Variants in PRKCI observed in about 807,000 individuals in gnomAD.
PRKCI encodes protein kinase C iota, also known as protein kinase C iota type.
In PRKCI, 43 loss-of-function variants were observed where a neutral mutation model predicts 84.0. The observed-to-expected ratio is 0.51, with a 90% CI of 0.40 to 0.66. PRKCI has a LOEUF of 0.66. PRKCI is among the 30% of genes least tolerant of loss of function. The probability of loss-of-function intolerance (pLI) is 0.00; values close to 1 mark genes in which losing one functional copy is unlikely to be tolerated. For synonymous variants in PRKCI, 216 were observed against 234.4 expected (o/e 0.92, Z 0.72); for missense variants, 459 against 745.6 (o/e 0.62, Z 4.48).
chr3:170,293,710 G>A (rs997254026), intron 14 of PRKCI, among the ~76,000 whole-genome samples: 2 of 152,024 alleles, frequency 1.3e-5, no homozygotes, highest in Non-Finnish European at 1.5e-5. Flanking sequence ...TGGAGTGCAG[G>A]GGCGCAATCT....
intron 2 of PRKCI, among the ~76,000 whole-genome samples, chr3:170,240,131 C>A (rs575155634): frequency 6.6e-6 from 1 of 152,030 alleles, no homozygotes; most frequent in South Asian, 2.1e-4. Context: ...CACTGCACTC[C>A]AACCTAGGCA....
intron 17 of PRKCI, among the ~76,000 whole-genome samples, chr3:170,300,895 A>C (rs1279286687): frequency 6.6e-6 from 1 of 151,946 alleles, no homozygotes; most frequent in African/African-American, 2.4e-5. Context: ...CATCTCTGTG[A>C]CTACTTTCCT....
chr3:170,302,746 T>A (rs150009074), intron 17 of PRKCI, among the ~76,000 whole-genome samples: 1 of 152,346 alleles, frequency 6.6e-6, no homozygotes, highest in East Asian at 1.9e-4. Context: ...AATGTTGTTC[T>A]GGTCAAAAGT....
chr3:170,228,225 A>T (rs1437821022), intron 1 of PRKCI, among the ~76,000 whole-genome samples: 1 of 152,220 alleles, frequency 6.6e-6, no homozygotes, highest in Non-Finnish European at 1.5e-5. Context: ...GCTGAGAACG[A>T]TAATAGAAAC....
chr3:170,271,600 A>C (rs377017543), intron 6 of PRKCI, among the ~76,000 whole-genome samples: 4 of 151,886 alleles, frequency 2.6e-5, no homozygotes, highest in African/African-American at 9.7e-5. Flanking sequence ...TTACAATTTA[A>C]TTGTAAAAGA....
chr3:170,237,752 T>C (rs1380068321), intron 2 of PRKCI, among the ~76,000 whole-genome samples: 5 of 152,176 alleles, frequency 3.3e-5, no homozygotes, highest in African/African-American at 9.7e-5. Flanking sequence ...TTTAAAACAG[T>C]GTTCCTGAAG....
chr3:170,238,701 T>C (rs1427385264), intron 2 of PRKCI, among the ~76,000 whole-genome samples: 7 of 151,822 alleles, frequency 4.6e-5, no homozygotes, highest in Non-Finnish European at 1.0e-4. Flanking sequence ...AAGCAATTCT[T>C]GTGCCCCAGC....
chr3:170,224,344 G>A (rs1732575040), intron 1 of PRKCI, among the ~76,000 whole-genome samples: 1 of 151,950 alleles, frequency 6.6e-6, no homozygotes, highest in African/African-American at 2.4e-5. Flanking sequence ...TTTTAAATCA[G>A]TACCAAGAAA....
rs930156449 is a variant in PRKCI at position 170,303,345 on chromosome 3, T to C, written c.*218T>C. ...TCCAGACAATCATGTCAAAATTTAGTTGAACTGGTTTTTCAGTTTTTAAAA... is the reference window on the plus strand; with the variant it reads ...TCCAGACAATCATGTCAAAATTTAGCTGAACTGGTTTTTCAGTTTTTAAAA... On this transcript the variant is annotated 3_prime_UTR_variant, in exon 18 of 18. Coordinates refer to ENST00000295797, the MANE Select transcript of PRKCI (RefSeq NM_002740.6). The C allele has an allele frequency of 8.2e-5, 30 of 363,876 alleles. No homozygotes were observed. The highest frequency in any genetic ancestry group is 1.4e-4 in the Non-Finnish European group (28 of 205,134). 22.5% of individuals were successfully genotyped at this position (363,876 alleles called of 1,614,324 possible).
chr3:170,233,162 T>G (rs1203747495), intron 1 of PRKCI, among the ~76,000 whole-genome samples: 1 of 134,996 alleles, frequency 7.4e-6, no homozygotes, highest in East Asian at 2.1e-4. Flanking sequence ...TTTTTTCGAA[T>G]AGCCTAATTT....
At chr3:170,228,434 T>A (rs1732690808) in intron 1 of PRKCI, among the ~76,000 whole-genome samples, 1 of 151,892 alleles carries the variant, frequency 6.6e-6, no homozygotes, top group African/African-American at 2.4e-5. Flanking sequence ...AAACCCTATC[T>A]CTACAAAAAA....
chr3:170,227,708 G>A (rs1732669115), intron 1 of PRKCI, among the ~76,000 whole-genome samples: 2 of 152,176 alleles, frequency 1.3e-5, no homozygotes, highest in African/African-American at 4.8e-5. Context: ...GTTCACAGGG[G>A]CTAGATTGTA....
At position 170,305,893 on chromosome 3, in the gene PRKCI, C is replaced by T. The variant is rs1734947504; in HGVS notation, c.*2766C>T. On this transcript the variant is annotated 3_prime_UTR_variant, in exon 18 of 18. Transcript: ENST00000295797. ...TTTATTTTTGTCATGTAGAATACTA[C>T]TGTGGTCATCATAATGTAATCTATT... 1 of 147,452 alleles carries T rather than the reference C, an allele frequency of 6.8e-6. No individual in the cohort carries two copies. Among genetic ancestry groups the T allele is most frequent in the Non-Finnish European group, 1.5e-5 (1 of 67,242 alleles). 9.1% of individuals were successfully genotyped at this position (147,452 alleles called of 1,614,324 possible).
At chr3:170,280,146 T>C (rs1734207522) in intron 8 of PRKCI, 81 bp from the exon 9 acceptor site, 2 of 1,173,858 alleles carry the variant, frequency 1.7e-6, no homozygotes, top group South Asian at 1.8e-5. Context: ...TAAATCGTTA[T>C]AGGTACAACT....
rs944949981 is a variant in PRKCI at position 170,305,562 on chromosome 3, T to G, written c.*2435T>G. On this transcript the variant is annotated 3_prime_UTR_variant, in exon 18 of 18. Coordinates refer to ENST00000295797, the MANE Select transcript of PRKCI (RefSeq NM_002740.6). The stretch of plus-strand genomic sequence containing the variant: ...CAGGGTGGTCTTTTGTTTTTAAATC[T>G]TTTTTTAACTAATAAGATTTACGGT... 3 of 152,192 alleles carry G rather than the reference T, an allele frequency of 2.0e-5. No homozygotes were observed. The highest frequency in any genetic ancestry group is 3.2e-3 in the Middle Eastern group (1 of 316). 9.4% of individuals were successfully genotyped at this position (152,192 alleles called of 1,614,324 possible). A position where few individuals can be genotyped will look rare whatever the true frequency, so the allele number is the denominator to read the frequency against.
chr3:170,290,086 A>G (rs1030361975), intron 12 of PRKCI, among the ~76,000 whole-genome samples: 1 of 151,860 alleles, frequency 6.6e-6, no homozygotes, highest in African/African-American at 2.4e-5. Flanking sequence ...AAAAAAAAAA[A>G]GGAAGGCTTG....
At chr3:170,296,128 T>TTAC in intron 15 of PRKCI, 138 bp downstream of exon 15, 1 of 449,212 alleles carries the variant, frequency 2.2e-6, no homozygotes, top group Non-Finnish European at 4.0e-6. Context: ...AATTTGTCTC[T>TTAC]TACCCAAAGA....
intron 10 of PRKCI, 76 bp downstream of exon 10, chr3:170,281,339 C>A: frequency 8.4e-7 from 1 of 1,183,704 alleles, no homozygotes; most frequent in Non-Finnish European, 1.2e-6. Flanking sequence ...ACCTTTCTGC[C>A]CTAATTCATG....
intron 5 of PRKCI, 58 bp from the exon 6 acceptor site, chr3:170,270,363 T>C (rs940139785): frequency 1.4e-6 from 2 of 1,477,758 alleles, no homozygotes; most frequent in Admixed American, 1.9e-5. Context: ...AGCAAACTAT[T>C]TGGGAAATGG....
Sources: allele counts gnomAD v4.1 joint callset (sites outside exome capture counted in the v4.1 genomes callset), GRCh38; gene constraint gnomAD v4.1.1; transcripts MANE v1.5; gene names NCBI Gene and HGNC (gene_info 2026-07-23, HGNC 2026-07-21).